The following SPTBN1 variants were observed in gnomAD, a reference collection of about 807,000 sequenced individuals.
SPTBN1 encodes spectrin beta chain, non-erythrocytic 1.
SPTBN1 carries 32 observed loss-of-function variants against 266.4 expected under a neutral mutation model. The observed-to-expected ratio is 0.12, with a 90% CI of 0.09 to 0.16. The LOEUF is 0.16. Among genes scored for constraint, SPTBN1 ranks in the 10% least tolerant of loss-of-function variants. SPTBN1 has a pLI of 1.00. For missense variants in SPTBN1, 2,296 were observed against 3,067.1 expected (o/e 0.75, Z 5.94); for synonymous variants, 1,336 against 1,162.2 (o/e 1.15, Z -3.04).
chr2:54,523,056 A>T (rs937009717), intron 1 of SPTBN1, among the ~76,000 whole-genome samples: 1 of 152,222 alleles, frequency 6.6e-6, no homozygotes. Flanking sequence ...TGAATTTTAT[A>T]AAAGTCTCTG....
At position 54,615,729 on chromosome 2, in the gene SPTBN1, A is replaced by T. The variant is rs571302920; in HGVS notation, c.475-478A>T. The stretch of plus-strand genomic sequence containing the variant: ...CAAATATGCTGCCTCTGAGCGGCTT[A>T]TGAAGGCACACCATGGAAGCACAGC... On this transcript the variant is annotated intron_variant, in intron 4 of 35. Coordinates refer to ENST00000356805, the MANE Select transcript of SPTBN1 (RefSeq NM_003128.3). Among the ~76,000 whole-genome samples the T allele has an allele frequency of 1.9e-4, 29 of 152,020 alleles. 1 individual carries two copies. Among genetic ancestry groups the T allele is most frequent in the Admixed American group, 7.9e-4 (12 of 15,280 alleles).
intron 27 of SPTBN1, among the ~76,000 whole-genome samples, chr2:54,654,638 G>C (rs1052254334): frequency 6.6e-6 from 1 of 152,188 alleles, no homozygotes; most frequent in Admixed American, 6.5e-5. Context: ...GACCGTATTA[G>C]CTGCTCTTTG....
At chr2:54,623,093 T>C (rs998375843) in intron 9 of SPTBN1, among the ~76,000 whole-genome samples, 16 of 152,154 alleles carry the variant, frequency 1.1e-4, no homozygotes, top group South Asian at 4.2e-4. Context: ...GAAAACTCAG[T>C]TGCATATATC....
At chr2:54,555,343 T>G (rs1211324212) in intron 2 of SPTBN1, among the ~76,000 whole-genome samples, 1 of 152,204 alleles carries the variant, frequency 6.6e-6, no homozygotes, top group Admixed American at 6.5e-5. Flanking sequence ...GTAACTCAGA[T>G]TCCACCTGTC....
At chr2:54,460,483 C>T (rs1693305022) in intron 1 of SPTBN1, among the ~76,000 whole-genome samples, 1 of 152,028 alleles carries the variant, frequency 6.6e-6, no homozygotes, top group Non-Finnish European at 1.5e-5. Flanking sequence ...CAGTCTTTTT[C>T]CCCTCTGGAA....
At chr2:54,531,646 C>G (rs1446304834) in intron 2 of SPTBN1, among the ~76,000 whole-genome samples, 1 of 151,366 alleles carries the variant, frequency 6.6e-6, no homozygotes, top group Non-Finnish European at 1.5e-5. Flanking sequence ...CCTGTGATCA[C>G]TTGTCCAGTA....
At chr2:54,642,881 G>A (rs907775158) in intron 18 of SPTBN1, 102 bp from the exon 19 acceptor site, 39 of 1,398,000 alleles carry the variant, frequency 2.8e-5, no homozygotes, top group Non-Finnish European at 3.6e-5. Flanking sequence ...CCATGGAAAC[G>A]TGTGTAGTAT....
In SPTBN1 at chr2:54,629,295, T is replaced by G; in HGVS notation, c.2161T>G (p.Tyr721Asp). 1 of 1,614,076 alleles carries G rather than the reference T, an allele frequency of 6.2e-7. No homozygotes were observed. Among genetic ancestry groups the G allele is most frequent in the Non-Finnish European group, 8.5e-7 (1 of 1,180,032 alleles). Reference sequence around the variant, plus strand: ...GGAGAAGATCCGTGAGAGGATCATTTACATCCGGGAGCAGTGGGCCAACCT... The same window carrying G: ...GGAGAAGATCCGTGAGAGGATCATTGACATCCGGGAGCAGTGGGCCAACCT... ...GSEKIRERII[Y>D]IREQWANLEQ... Residue 721 changes from tyrosine (Y) to aspartate (D), a missense_variant, in exon 14 of 36, where the codon TAC (tyrosine) becomes GAC (aspartate). Transcript: ENST00000356805.
intron 29 of SPTBN1, among the ~76,000 whole-genome samples, chr2:54,657,264 C>CA (rs1680733065): frequency 6.6e-6 from 1 of 152,224 alleles, no homozygotes; most frequent in East Asian, 1.9e-4. Context: ...CTAAACCCCC[C>CA]AAAATAAAAC....
At chr2:54,460,700 G>A (rs1280024774) in intron 1 of SPTBN1, among the ~76,000 whole-genome samples, 1 of 152,120 alleles carries the variant, frequency 6.6e-6, no homozygotes, top group Non-Finnish European at 1.5e-5. Context: ...TAAAATATAT[G>A]TTAAAGAATC....
In SPTBN1 at chr2:54,631,078, A is replaced by C; in HGVS notation, c.3031A>C (p.Lys1011Gln). ...MERDLVAIEA[K>Q]LSDLQKEAEK... ...GCGGGACTTGGTGGCCATTGAGGCA[A>C]AGCTGAGTGACCTGCAGAAGGAGGC... Residue 1011 changes from lysine to glutamine, a missense_variant, in exon 16 of 36, where the codon AAG (lysine) becomes CAG (glutamine). Around this residue, in one of 12 missense-constraint regions of SPTBN1, gnomAD observed 128 missense variants for 176.5 expected, o/e 0.73. Coordinates refer to ENST00000356805, the MANE Select transcript of SPTBN1 (RefSeq NM_003128.3). The C allele has an allele frequency of 6.2e-7, 1 of 1,614,086 alleles. No homozygotes were observed. The highest frequency in any genetic ancestry group is 1.6e-4 in the Middle Eastern group (1 of 6,062).
chr2:54,457,153 G>GCCCCACC (rs1553425453), intron 1 of SPTBN1: 31 of 49,690 alleles, frequency 6.2e-4, no homozygotes, highest in African/African-American at 2.8e-3. Flanking sequence ...TCGTGCGCCC[G>GCCCCACC]CCCCCCCCCC....
At chr2:54,582,325 C>T (rs1292649976) in intron 2 of SPTBN1, among the ~76,000 whole-genome samples, 3 of 151,998 alleles carry the variant, frequency 2.0e-5, no homozygotes, top group African/African-American at 7.3e-5. Flanking sequence ...TGCCTGAGAG[C>T]AGGGACTCCT....
intron 1 of SPTBN1, among the ~76,000 whole-genome samples, chr2:54,507,804 T>C (rs1208538467): frequency 6.9e-6 from 1 of 145,882 alleles, no homozygotes; most frequent in African/African-American, 2.5e-5. Flanking sequence ...AGAGTCCCCT[T>C]TTTTTTTTTT....
At position 54,526,371 on chromosome 2, in the gene SPTBN1, G is replaced by C; in HGVS notation, c.-47-1G>C. 6.2e-7 allele frequency: 1 copy of C among 1,602,314 alleles called. No individual in the cohort carries two copies. The highest frequency in any genetic ancestry group is 8.5e-7 in the Non-Finnish European group (1 of 1,173,748). On this transcript the variant is annotated splice_acceptor_variant, in intron 1 of 35. Transcript: ENST00000356805. LOFTEE classifies it low-confidence loss of function (5UTR_SPLICE). Reference sequence around the variant, plus strand: ...AATGTTTTTCCTTTTCTTTCTCATAGAACTCTAAGAAGGAGCTGATGTGGA... The same window carrying C: ...AATGTTTTTCCTTTTCTTTCTCATACAACTCTAAGAAGGAGCTGATGTGGA...
At chr2:54,513,779 G>A (rs960339781) in intron 1 of SPTBN1, among the ~76,000 whole-genome samples, 3 of 152,168 alleles carry the variant, frequency 2.0e-5, no homozygotes, top group Non-Finnish European at 4.4e-5. Flanking sequence ...CAGAAACAAG[G>A]ATGGCCTTGA....
chr2:54,560,936 C>T (rs759926066), intron 2 of SPTBN1, among the ~76,000 whole-genome samples: 2 of 152,166 alleles, frequency 1.3e-5, no homozygotes, highest in South Asian at 4.1e-4. Flanking sequence ...CACACAAAAC[C>T]TTTCTTTAAT....
intron 1 of SPTBN1, among the ~76,000 whole-genome samples, chr2:54,476,123 C>T (rs1344668606): frequency 6.7e-6 from 1 of 150,216 alleles, no homozygotes; most frequent in African/African-American, 2.5e-5. Context: ...CTCGGTGGCT[C>T]AAACTCACAG....
At chr2:54,511,265 C>T (rs1669844277) in intron 1 of SPTBN1, among the ~76,000 whole-genome samples, 1 of 152,162 alleles carries the variant, frequency 6.6e-6, no homozygotes, top group Non-Finnish European at 1.5e-5. Context: ...CTTTTGTTAC[C>T]AAGCTTGATA....
Sources: allele counts gnomAD v4.1 joint callset (sites outside exome capture counted in the v4.1 genomes callset), GRCh38; gene constraint gnomAD v4.1.1; regional missense constraint gnomAD v4.1.1; transcripts MANE v1.5; gene names NCBI Gene and HGNC (gene_info 2026-07-23, HGNC 2026-07-21).